RAB37: variants seen among roughly 807,000 people sequenced by gnomAD.
RAB37 encodes RAB37, member RAS oncogene family, also known as ras-related protein Rab-37.
RAB37 carries 29 observed loss-of-function variants against 33.1 expected under a neutral mutation model. That is an observed-to-expected ratio of 0.88 (90% confidence interval 0.65 to 1.20). RAB37 has a LOEUF of 1.20. Among genes scored for constraint, RAB37 ranks in the 50% most tolerant of loss-of-function variants. The pLI, the probability that RAB37 is intolerant of heterozygous loss-of-function variation, is 0.00. For synonymous variants in RAB37, 128 were observed against 119.5 expected (o/e 1.07, Z -0.47); for missense variants, 299 against 301.1 (o/e 0.99, Z 0.05).
chr17:74,690,416 A>G (rs1353273403), intron 1 of RAB37, among the ~76,000 whole-genome samples: 6 of 152,126 alleles, frequency 3.9e-5, no homozygotes, highest in African/African-American at 1.4e-4. Flanking sequence ...ATATAACAAG[A>G]TAGTAAATGC....
At chr17:74,678,682 GACAC>G (rs148139871) in intron 1 of RAB37, among the ~76,000 whole-genome samples, 39 of 147,904 alleles carry the variant, frequency 2.6e-4, no homozygotes, top group South Asian at 1.3e-3. Context: ...CAGACACACA[GACAC>G]ACACACACAC....
chr17:74,712,390 T>G (rs1170273714), intron 1 of RAB37, among the ~76,000 whole-genome samples: 1 of 152,108 alleles, frequency 6.6e-6, no homozygotes, highest in African/African-American at 2.4e-5. Context: ...ACTCCCTCTC[T>G]GCCCAGCAAA....
chr17:74,722,468 C>T (rs1003286762), intron 1 of RAB37, among the ~76,000 whole-genome samples: 14 of 152,158 alleles, frequency 9.2e-5, no homozygotes, highest in Non-Finnish European at 1.0e-4. Context: ...TGCTCTTAAA[C>T]TCTTTCAATT....
chr17:74,695,083 C>A (rs773262236), intron 1 of RAB37: 1 of 1,609,330 alleles, frequency 6.2e-7, no homozygotes, highest in Admixed American at 1.7e-5. Context: ...CAAGAAGGAG[C>A]CTGGAGTGCA....
intron 1 of RAB37, among the ~76,000 whole-genome samples, chr17:74,687,610 G>A (rs1256670995): frequency 1.3e-5 from 2 of 152,190 alleles, no homozygotes; most frequent in Non-Finnish European, 2.9e-5. Context: ...TTTGGGGAAG[G>A]GGCTTGTGCT....
At chr17:74,728,194 G>A (rs949760006) in intron 1 of RAB37, among the ~76,000 whole-genome samples, 14 of 151,640 alleles carry the variant, frequency 9.2e-5, no homozygotes, top group African/African-American at 4.9e-5. Flanking sequence ...ATGTCTGTGC[G>A]AATGTGTGTT....
intron 1 of RAB37, among the ~76,000 whole-genome samples, chr17:74,689,446 A>AAAAAAAG (rs796314821): frequency 6.6e-6 from 1 of 152,168 alleles, no homozygotes; most frequent in East Asian, 1.9e-4. Flanking sequence ...CTGTCTGGAA[A>AAAAAAAG]AAAAAAGAAA....
At position 74,745,526 on chromosome 17, in the gene RAB37, G is replaced by C; in HGVS notation, c.*115G>C. 1 of 791,118 alleles carries C rather than the reference G, an allele frequency of 1.3e-6. No homozygotes were observed. The highest frequency in any genetic ancestry group is 2.6e-5 in the East Asian group (1 of 37,938). The allele number at this position is 791,118 out of a possible 1,614,324, so 49.0% of individuals were successfully genotyped here. A position where few individuals can be genotyped will look rare whatever the true frequency, so the allele number is the denominator to read the frequency against. Reference sequence around the variant, plus strand: ...TGGGGAGAAAGATGGAGGACTCACTGCACAGCCGCTTCCTAGCAGGGAGCT... The same window carrying C: ...TGGGGAGAAAGATGGAGGACTCACTCCACAGCCGCTTCCTAGCAGGGAGCT... On this transcript the variant is annotated 3_prime_UTR_variant, in exon 9 of 9. Transcript: ENST00000392613. This position sits in a 1 kb window ranked among gnomAD's most constrained non-coding sequence, Gnocchi z 4.5.
chr17:74,702,055 TA>T (rs368199310), intron 1 of RAB37, among the ~76,000 whole-genome samples: 21 of 146,304 alleles, frequency 1.4e-4, no homozygotes, highest in African/African-American at 3.3e-4. Flanking sequence ...AAGTTTAATT[TA>T]AAAAAAAAAC....
intron 1 of RAB37, among the ~76,000 whole-genome samples, chr17:74,725,008 A>G (rs1404780096): frequency 6.6e-6 from 1 of 152,214 alleles, no homozygotes; most frequent in Non-Finnish European, 1.5e-5. Flanking sequence ...GGAGGCCCAC[A>G]TACCATGTGT....
rs1168007099 is a variant in RAB37, at chr17:74,700,466, C to T, written c.73-28790C>T. ...TTTGCTCAAGAATCACTCGACTGAGCGCGGTGGCTTACACCTGTAATCCCA... is the reference window on the plus strand; with the variant it reads ...TTTGCTCAAGAATCACTCGACTGAGTGCGGTGGCTTACACCTGTAATCCCA... On this transcript the variant is annotated intron_variant, in intron 1 of 7. Transcript: ENST00000340415. Among the ~76,000 whole-genome samples the T allele has an allele frequency of 2.0e-5, 3 of 152,146 alleles. No homozygotes were observed. The South Asian group carries it at 6.2e-4, about 32-fold the overall frequency.
rs559808870 is a variant in RAB37 at position 74,729,565 on chromosome 17, T to C, written c.183+199T>C. 1.4e-3 allele frequency among the ~76,000 whole-genome samples: 214 copies of C among 152,030 alleles called. No homozygotes were observed. The highest frequency in any genetic ancestry group is 4.7e-3 in the African/African-American group (194 of 41,466). On this transcript the variant is annotated intron_variant, in intron 2 of 7. Transcript: ENST00000340415. This position sits in a 1 kb window ranked among gnomAD's most constrained non-coding sequence, Gnocchi z 4.2. ...TACTGCCCCTGGGTAGTCCAGGAAC[T>C]CCGCCCACCTCTAGCCTCAAGCAGG...
rs1035916489 is a variant in RAB37 at position 74,745,471 on chromosome 17, G to T, written c.*60G>T. The T allele has an allele frequency of 8.6e-6, 12 of 1,401,464 alleles. No individual in the cohort carries two copies. The highest frequency in any genetic ancestry group is 5.7e-5 in the African/African-American group (4 of 70,578). 86.8% of individuals were successfully genotyped at this position (1,401,464 alleles called of 1,614,324 possible). On this transcript the variant is annotated 3_prime_UTR_variant, in exon 9 of 9. Transcript: ENST00000392613. This position sits in a 1 kb window ranked among gnomAD's most constrained non-coding sequence, Gnocchi z 4.5. ...ACAGGATGCAGCCTTCCCCCTCCCA[G>T]GCCTGGCTTATTCCAAGAGGCTGAG...
chr17:74,698,711 G>T, intron 1 of RAB37: 2 of 1,040,918 alleles, frequency 1.9e-6, no homozygotes, highest in South Asian at 1.9e-5. Flanking sequence ...ACTTGAGGAT[G>T]GAGGGTGGGA....
At chr17:74,687,185 A>T (rs1343931550) in intron 1 of RAB37, among the ~76,000 whole-genome samples, 1 of 151,516 alleles carries the variant, frequency 6.6e-6, no homozygotes, top group Non-Finnish European at 1.5e-5. Context: ...CTTTTTATTT[A>T]TTCAGTTTAT....
intron 1 of RAB37, among the ~76,000 whole-genome samples, chr17:74,701,095 G>A (rs956764587): frequency 1.3e-5 from 2 of 152,220 alleles, no homozygotes; most frequent in Middle Eastern, 3.2e-3. Context: ...CTCCAGAATT[G>A]TGAGAAAATA....
chr17:74,732,669 GTA>G (rs1598314987), upstream of RAB37, among the ~76,000 whole-genome samples: 41 of 112,090 alleles, frequency 3.7e-4, no homozygotes, highest in East Asian at 5.5e-4. Flanking sequence ...TGATGTGTGT[GTA>G]TGTGGCGTGA....
At position 74,737,283 on chromosome 17, in the gene RAB37, C is replaced by T. The variant is rs376013655; in HGVS notation, c.11C>T (p.Thr4Met). Reference protein sequence around the residue: MTGTPGAVATRDGE... With the variant: MTGMPGAVATRDGE... ...CTCTCGTCCAGGGACATGACGGGCA[C>T]GCCAGGCGCCGTTGCCACCCGGGAT... The change falls in exon 1 of 9, where the codon ACG becomes ATG. Residue 4 changes from threonine (T) to methionine (M), a missense_variant. Physicochemically the swap from Thr to Met is moderately conservative, Grantham distance 81 (BLOSUM62 -1). Transcript: ENST00000392613. 6.4e-7 allele frequency: 1 copy of T among 1,567,442 alleles called. No homozygotes were observed. The highest frequency in any genetic ancestry group is 1.3e-5 in the African/African-American group (1 of 74,642).
chr17:74,681,164 C>T (rs992980166), intron 1 of RAB37, among the ~76,000 whole-genome samples: 1 of 152,344 alleles, frequency 6.6e-6, no homozygotes. Context: ...CAGTGTGCCA[C>T]GTGGACCTTG....
Sources: gnomAD v4.1 joint callset for allele counts (sites outside exome capture counted in the v4.1 genomes callset) on GRCh38, gnomAD v4.1.1 for gene constraint, Gnocchi (gnomAD v3.1) non-coding constraint, MANE v1.5 for transcripts, NCBI Gene and HGNC (gene_info 2026-07-23, HGNC 2026-07-21) for gene names.